The following ELAPOR1 variants were observed in gnomAD, a reference collection of about 807,000 sequenced individuals.
ELAPOR1 encodes endosome/lysosome-associated apoptosis and autophagy regulator 1.
In ELAPOR1, 77 loss-of-function variants were observed where a neutral mutation model predicts 119.7. The observed-to-expected ratio is 0.64, with a 90% CI of 0.54 to 0.78. The LOEUF is 0.78. ELAPOR1 is among the 30% of genes least tolerant of loss of function. ELAPOR1 has a pLI of 0.00. For missense variants in ELAPOR1, 1,115 were observed against 1,270.4 expected (o/e 0.88, Z 1.86); for synonymous variants, 481 against 487.2 (o/e 0.99, Z 0.17).
intron 1 of ELAPOR1, among the ~76,000 whole-genome samples, chr1:109,161,423 A>G (rs957089439): frequency 6.6e-6 from 1 of 151,704 alleles, no homozygotes; most frequent in East Asian, 1.9e-4. Flanking sequence ...AAAAAAAAAA[A>G]AAAAAAAAAA....
At chr1:109,126,596 G>A (rs368099748) in intron 1 of ELAPOR1, among the ~76,000 whole-genome samples, 2 of 151,816 alleles carry the variant, frequency 1.3e-5, no homozygotes, top group Admixed American at 6.6e-5. Context: ...TCAGCCTCCC[G>A]GGTAACTGGG....
Position 109,143,916 on chromosome 1 carries a change from T to C in ELAPOR1, c.154-17978T>C, listed in dbSNP as rs533213711. On this transcript the variant is annotated intron_variant, in intron 1 of 21. Transcript: ENST00000369939. The stretch of plus-strand genomic sequence containing the variant: ...GCTCCAGCAATCCACCCGCCTCAGC[T>C]TCCCAAAGTGCTGGGATTATAGGTG... Among the ~76,000 whole-genome samples, 12 of 151,588 alleles carry C rather than the reference T, an allele frequency of 7.9e-5. No individual in the cohort carries two copies. In the South Asian group the frequency reaches 2.5e-3, roughly 32 times the overall value.
intron 3 of ELAPOR1, among the ~76,000 whole-genome samples, chr1:109,171,587 C>T (rs1651931190): frequency 6.6e-6 from 1 of 152,126 alleles, no homozygotes; most frequent in Non-Finnish European, 1.5e-5. Flanking sequence ...CCAACTTCAC[C>T]TGCCACCCGT....
intron 13 of ELAPOR1, 31 bp downstream of exon 13, chr1:109,191,894 G>A (rs758703052): frequency 1.9e-6 from 3 of 1,612,884 alleles, no homozygotes. Flanking sequence ...AGACCCCCAG[G>A]AGAGACCCTC....
intron 15 of ELAPOR1, among the ~76,000 whole-genome samples, chr1:109,195,517 C>CA (rs1653736181): frequency 6.6e-6 from 1 of 151,422 alleles, no homozygotes; most frequent in East Asian, 1.9e-4. Context: ...AACAAAAAAG[C>CA]AAAAAACAAA....
At chr1:109,129,683 G>A (rs534945550) in intron 1 of ELAPOR1, among the ~76,000 whole-genome samples, 2 of 152,270 alleles carry the variant, frequency 1.3e-5, no homozygotes, top group South Asian at 2.1e-4. Context: ...CTCTGGAGAC[G>A]GGCTTCATAC....
intron 7 of ELAPOR1, among the ~76,000 whole-genome samples, chr1:109,181,901 T>C (rs1357728369): frequency 6.6e-6 from 1 of 152,118 alleles, no homozygotes; most frequent in African/African-American, 2.4e-5. Context: ...AGACTGCAAT[T>C]AGGAGATTAT....
chr1:109,118,808 G>C (rs533178953), intron 1 of ELAPOR1, among the ~76,000 whole-genome samples: 7 of 152,210 alleles, frequency 4.6e-5, no homozygotes, highest in African/African-American at 1.7e-4. Context: ...AGCCCCTGTA[G>C]TCAGGGGAGA....
chr1:109,118,758 C>A (rs977263031), intron 1 of ELAPOR1, among the ~76,000 whole-genome samples: 11 of 152,120 alleles, frequency 7.2e-5, no homozygotes, highest in Non-Finnish European at 1.2e-4. Context: ...CTTTAGGGAG[C>A]AGAGTGTTCC....
chr1:109,178,196 AG>A (rs1355619245), intron 7 of ELAPOR1, among the ~76,000 whole-genome samples: 2 of 152,002 alleles, frequency 1.3e-5, no homozygotes. Flanking sequence ...TTTTTAGTAG[AG>A]ACGGGGTTTC....
At chr1:109,149,861 T>C (rs1290487990) in intron 1 of ELAPOR1, among the ~76,000 whole-genome samples, 1 of 152,170 alleles carries the variant, frequency 6.6e-6, no homozygotes, top group Non-Finnish European at 1.5e-5. Flanking sequence ...CAATTGCTAT[T>C]GTCAACAGGG....
Position 109,200,854 on chromosome 1 carries a change from C to T in ELAPOR1, c.2927C>T (p.Thr976Ile), listed in dbSNP as rs776249907. 6.2e-7 allele frequency: 1 copy of T among 1,614,170 alleles called. No individual in the cohort carries two copies. Among genetic ancestry groups the T allele is most frequent in the Admixed American group, 1.7e-5 (1 of 60,028 alleles). ...GEDVEDDLIFTSKKSLFGKIK... is the reference protein window; with the variant it reads ...GEDVEDDLIFISKKSLFGKIK... Reference sequence around the variant, plus strand: ...GATGTAGAGGACGACCTCATCTTTACCAGCAAGAAGTCACTCTTTGGGAAG... The same window carrying T: ...GATGTAGAGGACGACCTCATCTTTATCAGCAAGAAGTCACTCTTTGGGAAG... Residue 976 changes from threonine (T) to isoleucine (I), a missense_variant, in exon 21 of 22, where the codon ACC becomes ATC. Physicochemically the swap from Thr to Ile is moderately conservative, Grantham distance 89. Coordinates refer to ENST00000369939, the MANE Select transcript of ELAPOR1 (RefSeq NM_020775.5).
In ELAPOR1 at chr1:109,200,756, G is replaced by A. The variant is rs772227808; in HGVS notation, c.2829G>A (p.Lys943=). The change falls in exon 21 of 22, where the codon AAG becomes AAA. Residue 943 remains lysine (K), a synonymous_variant. Coordinates refer to ENST00000369939, the MANE Select transcript of ELAPOR1 (RefSeq NM_020775.5). The part of the protein sequence containing the change: ...KNQKLEYKYS[K]LVMNATLKDC... ...ATAGACTAGAGTACAAGTACTCCAA[G>A]CTGGTGATGAATGCTACTCTCAAGG... 63 of 1,614,030 alleles carry A rather than the reference G, an allele frequency of 3.9e-5. No homozygotes were observed. In the East Asian group the frequency reaches 4.7e-4, roughly 12 times the overall value.
At chr1:109,135,512 G>A (rs995272927) in intron 1 of ELAPOR1, among the ~76,000 whole-genome samples, 6 of 152,124 alleles carry the variant, frequency 3.9e-5, no homozygotes, top group African/African-American at 1.4e-4. Context: ...CAAAGTGCTG[G>A]GATTACAGGT....
chr1:109,194,638 C>T (rs1653671825), intron 15 of ELAPOR1, 44 bp downstream of exon 15: 1 of 1,573,102 alleles, frequency 6.4e-7, no homozygotes, highest in Non-Finnish European at 8.7e-7. Flanking sequence ...ATGGGGGAGG[C>T]CCATGGATCA....
intron 11 of ELAPOR1, among the ~76,000 whole-genome samples, 153 bp from the exon 12 acceptor site, chr1:109,191,213 A>G (rs926475646): frequency 2.0e-5 from 3 of 152,224 alleles, no homozygotes; most frequent in Non-Finnish European, 2.9e-5. Context: ...TCAAGGTCAC[A>G]TAGCTAGGAG....
chr1:109,177,261 G>GTA (rs1652375893), intron 7 of ELAPOR1, among the ~76,000 whole-genome samples: 1 of 142,860 alleles, frequency 7.0e-6, no homozygotes. Flanking sequence ...CCTCCCGGAC[G>GTA]GGGCGGCTGC....
At chr1:109,189,503 G>T (rs1459520875) in intron 10 of ELAPOR1, 89 bp from the exon 11 acceptor site, 16 of 1,220,614 alleles carry the variant, frequency 1.3e-5, no homozygotes, top group Non-Finnish European at 1.8e-5. Context: ...AAAAGATGGT[G>T]TCAAACCTCC....
intron 1 of ELAPOR1, among the ~76,000 whole-genome samples, chr1:109,125,101 G>A (rs1246295422): frequency 6.6e-6 from 1 of 151,684 alleles, no homozygotes; most frequent in East Asian, 1.9e-4. Flanking sequence ...GCTAATTTTT[G>A]TATTTTTAGT....
Sources: allele counts gnomAD v4.1 joint callset (sites outside exome capture counted in the v4.1 genomes callset), GRCh38; gene constraint gnomAD v4.1.1; transcripts MANE v1.5; gene names NCBI Gene and HGNC (gene_info 2026-07-23, HGNC 2026-07-21).